Variants in PDXDC1 observed in about 807,000 individuals in gnomAD.
The protein encoded by PDXDC1 is pyridoxal-dependent decarboxylase domain-containing protein 1.
PDXDC1 carries 42 observed loss-of-function variants against 100.1 expected under a neutral mutation model. The observed-to-expected ratio is 0.42, with a 90% CI of 0.33 to 0.54. The LOEUF (loss-of-function observed/expected upper bound fraction) is 0.54. PDXDC1 is among the 20% of genes least tolerant of loss of function. The pLI is 0.10. For missense variants in PDXDC1, 636 were observed against 979.2 expected, an observed-to-expected ratio of 0.65 and a Z score of 4.68; for synonymous variants, 260 against 371.7, an observed-to-expected ratio of 0.70 and a Z score of 3.46.
intron 14 of PDXDC1, among the ~76,000 whole-genome samples, chr16:15,028,519 G>A (rs1011467835): frequency 2.6e-5 from 4 of 152,302 alleles, no homozygotes; most frequent in East Asian, 3.8e-4. Context: ...TGCCTGGCAC[G>A]GGTTGGCACC....
intron 16 of PDXDC1, among the ~76,000 whole-genome samples, chr16:15,063,660 G>A (rs1355288962): frequency 5.6e-5 from 8 of 141,792 alleles, no homozygotes; most frequent in South Asian, 2.2e-4. Context: ...AGCCGAGATC[G>A]CGCCACTGCA....
At chr16:15,061,608 C>G in intron 16 of PDXDC1, 1 of 703,758 alleles carries the variant, frequency 1.4e-6, no homozygotes, top group Non-Finnish European at 2.3e-6. Flanking sequence ...TCAGTCGAAC[C>G]TGGAAGTGCC....
At chr16:15,147,559 C>A in the PDXDC1 span, among the ~76,000 whole-genome samples, 1 of 152,204 alleles carries the variant, frequency 6.6e-6, no homozygotes, top group Non-Finnish European at 1.5e-5. Flanking sequence ...CAGAGTTTCA[C>A]TCTGTCTCCC....
intron 9 of PDXDC1, 143 bp from the exon 10 acceptor site, chr16:15,016,977 T>C (rs2041840708): frequency 1.4e-5 from 15 of 1,057,442 alleles, no homozygotes; most frequent in South Asian, 6.9e-5. Context: ...AAAGCACACC[T>C]TCTGTTGCTG....
intron 16 of PDXDC1, among the ~76,000 whole-genome samples, chr16:15,079,015 T>C (rs1229428729): frequency 1.3e-5 from 2 of 152,140 alleles, no homozygotes; most frequent in Non-Finnish European, 2.9e-5. Flanking sequence ...TTTCACCATG[T>C]TAGCCAGGAT....
At chr16:15,071,712 G>A (rs1486832610) in intron 16 of PDXDC1, among the ~76,000 whole-genome samples, 1 of 152,202 alleles carries the variant, frequency 6.6e-6, no homozygotes, top group Non-Finnish European at 1.5e-5. Context: ...AGGTTGCAGT[G>A]AGCTGAGATC....
rs1567747843 is a variant in PDXDC1, at chr16:15,037,842, G to GTC, written c.*1570_*1571dup. 1 of 491,406 alleles carries GTC rather than the reference G, an allele frequency of 2.0e-6. No homozygotes were observed. The highest frequency in any genetic ancestry group is 3.6e-6 in the Non-Finnish European group (1 of 280,766). 30.4% of individuals were successfully genotyped at this position (491,406 alleles called of 1,614,324 possible). A position where few individuals can be genotyped will look rare whatever the true frequency, so the allele number is the denominator to read the frequency against. ...AATTTTTTAGTAAACCAAAAAATAA[G>GTC]TCTCAACAAATGCCTTTGCCAAAAT... On this transcript the variant is annotated 3_prime_UTR_variant, in exon 23 of 23. Transcript: ENST00000396410.
chr16:15,084,286 C>T (rs2045828001), intron 16 of PDXDC1, among the ~76,000 whole-genome samples: 1 of 149,924 alleles, frequency 6.7e-6, no homozygotes, highest in African/African-American at 2.4e-5. Context: ...ACCCACAAAC[C>T]TGAAAAGCTT....
Position 15,104,369 on chromosome 16 carries a change from C to T in PDXDC1, c.1400-34510C>T, listed in dbSNP as rs1028010184. On this transcript the variant is annotated intron_variant, in intron 16 of 16. Coordinates refer to the PDXDC1 transcript ENST00000535621. ...TCGTTAGTTTCTTCAGATTATCATC[C>T]ACTGAGGGTGGAAGGGGAGTGAGCA... 3.1e-6 allele frequency: 5 copies of T among 1,598,214 alleles called. No homozygotes were observed. The African/African-American group carries it at 6.7e-5, about 21-fold the overall frequency.
At chr16:15,141,478 C>T (rs368032283), downstream of PDXDC1, among the ~76,000 whole-genome samples, 20 of 152,190 alleles carry the variant, frequency 1.3e-4, no homozygotes, top group Non-Finnish European at 2.6e-4. Context: ...ATGGAGGGCA[C>T]GGTTGGGGGT....
intron 1 of PDXDC1, among the ~76,000 whole-genome samples, chr16:14,997,378 A>G (rs1411720830): frequency 1.3e-5 from 2 of 152,264 alleles, no homozygotes; most frequent in Admixed American, 6.5e-5. Context: ...CGTCTCTACT[A>G]AAAATACAAA....
intron 19 of PDXDC1, 100 bp from the exon 20 acceptor site, chr16:15,034,186 G>T: frequency 1.0e-6 from 1 of 962,110 alleles, no homozygotes; most frequent in Non-Finnish European, 1.6e-6. Flanking sequence ...GGATTTCATT[G>T]ACCTGCTTTT....
chr16:14,983,009 AT>A (rs1259213081), intron 1 of PDXDC1, among the ~76,000 whole-genome samples: 3 of 152,238 alleles, frequency 2.0e-5, no homozygotes, highest in Admixed American at 6.5e-5. Context: ...GTAGGTAGTG[AT>A]TTTTTTTATG....
chr16:15,150,020 A>G, the PDXDC1 span, among the ~76,000 whole-genome samples: 1 of 151,978 alleles, frequency 6.6e-6, no homozygotes, highest in Admixed American at 6.6e-5. Context: ...TTGCACAAGG[A>G]AAAAGAGAGG....
intron 16 of PDXDC1, among the ~76,000 whole-genome samples, chr16:15,122,878 A>G (rs1445716930): frequency 2.9e-4 from 38 of 131,508 alleles, no homozygotes; most frequent in Non-Finnish European, 3.4e-4. Flanking sequence ...GGGAAGGGAA[A>G]GGAGAAGGGG....
chr16:15,000,050 G>A (rs1219532979), intron 3 of PDXDC1, among the ~76,000 whole-genome samples: 1 of 152,296 alleles, frequency 6.6e-6, no homozygotes, highest in African/African-American at 2.4e-5. Context: ...GAATAATGCT[G>A]ATGTGAAGCT....
intron 1 of PDXDC1, among the ~76,000 whole-genome samples, chr16:14,990,711 C>T (rs1358757170): frequency 6.6e-6 from 1 of 152,286 alleles, no homozygotes; most frequent in Non-Finnish European, 1.5e-5. Context: ...CCCCCCTGGG[C>T]TTACTCCCTG....
intron 16 of PDXDC1, among the ~76,000 whole-genome samples, chr16:15,128,692 TCA>T (rs911100601): frequency 5.9e-5 from 9 of 152,114 alleles, no homozygotes; most frequent in African/African-American, 2.2e-4. Flanking sequence ...TGTCCACGCC[TCA>T]GTCACGCCAC....
intron 16 of PDXDC1, among the ~76,000 whole-genome samples, chr16:15,126,224 C>A (rs1260309929): frequency 6.7e-6 from 1 of 149,158 alleles, no homozygotes; most frequent in Non-Finnish European, 1.5e-5. Flanking sequence ...TTAGTAGAGA[C>A]GGGGTTTCAC....
Sources: gnomAD v4.1 joint callset for allele counts (sites outside exome capture counted in the v4.1 genomes callset) on GRCh38, gnomAD v4.1.1 for gene constraint, MANE v1.5 for transcripts, NCBI Gene and HGNC (gene_info 2026-07-23, HGNC 2026-07-21) for gene names.